The following KAZN variants were observed in gnomAD, a reference collection of about 807,000 sequenced individuals.
KAZN encodes the protein kazrin.
A neutral mutation model predicts 87.4 loss-of-function variants in KAZN; 40 were observed. The observed-to-expected ratio is 0.46, with a 90% CI of 0.36 to 0.60. The LOEUF is 0.60. Ranked by LOEUF, KAZN falls within the 20% of genes least tolerant of loss-of-function variation. The probability of loss-of-function intolerance (pLI) is 0.00; values close to 1 mark genes in which losing one functional copy is unlikely to be tolerated. For missense variants in KAZN, 898 were observed against 1,073.9 expected, an observed-to-expected ratio of 0.84 and a Z score of 2.29; for synonymous variants, 466 against 458.3, an observed-to-expected ratio of 1.02 and a Z score of -0.22.
chr1:14,966,816 C>T (rs1487393388), intron 2 of KAZN, among the ~76,000 whole-genome samples: 3 of 151,962 alleles, frequency 2.0e-5, no homozygotes, highest in Non-Finnish European at 2.9e-5. Flanking sequence ...GGACTACAGG[C>T]ATGTGCCACC....
chr1:14,276,760 G>A (rs1448430391), intron 2 of KAZN, among the ~76,000 whole-genome samples: 1 of 152,142 alleles, frequency 6.6e-6, no homozygotes, highest in African/African-American at 2.4e-5. Flanking sequence ...TTCTAAATAA[G>A]CTCACATTCA....
At chr1:13,920,230 C>G (rs1010720684) in intron 1 of KAZN, among the ~76,000 whole-genome samples, 2 of 131,072 alleles carry the variant, frequency 1.5e-5, no homozygotes, top group Admixed American at 8.7e-5. Flanking sequence ...AGTGACACAG[C>G]GAGACCCTGT....
chr1:14,556,183 C>T (rs1187835152), intron 2 of KAZN, among the ~76,000 whole-genome samples: 1 of 150,326 alleles, frequency 6.7e-6, no homozygotes, highest in Admixed American at 6.6e-5. Flanking sequence ...GATCTGTGCT[C>T]ATTGCAAGCT....
At chr1:14,967,643 A>G (rs1331834184) in intron 2 of KAZN, among the ~76,000 whole-genome samples, 1 of 152,180 alleles carries the variant, frequency 6.6e-6, no homozygotes, top group Non-Finnish European at 1.5e-5. Context: ...GTCAGAGGAG[A>G]TGTGACCGGA....
chr1:14,045,903 C>CTATTATTTT (rs1221996764), intron 1 of KAZN, among the ~76,000 whole-genome samples: 1 of 152,134 alleles, frequency 6.6e-6, no homozygotes, highest in Non-Finnish European at 1.5e-5. Flanking sequence ...TTCCACAATG[C>CTATTATTTT]TATTATTTTC....
chr1:14,233,012 A>T (rs1039739095), intron 2 of KAZN, among the ~76,000 whole-genome samples: 2 of 152,256 alleles, frequency 1.3e-5, no homozygotes, highest in East Asian at 3.8e-4. Context: ...CATTGTAAGC[A>T]TCATCAAATA....
At chr1:14,797,929 A>G (rs1645881964) in intron 1 of KAZN, among the ~76,000 whole-genome samples, 1 of 152,188 alleles carries the variant, frequency 6.6e-6, no homozygotes, top group Non-Finnish European at 1.5e-5. Context: ...GATGCCCACG[A>G]TGTGCCAAGG....
intron 2 of KAZN, among the ~76,000 whole-genome samples, chr1:14,257,990 AAAG>A (rs1305166644): frequency 4.7e-5 from 7 of 149,558 alleles, no homozygotes; most frequent in Admixed American, 1.3e-4. Context: ...AAAAAAAAGA[AAAG>A]AAGGGGGAAG....
At chr1:14,467,913 C>T (rs1340085832) in intron 2 of KAZN, among the ~76,000 whole-genome samples, 1 of 152,086 alleles carries the variant, frequency 6.6e-6, no homozygotes, top group African/African-American at 2.4e-5. Context: ...GTTTCATTGG[C>T]CTGCTTGGGT....
At chr1:15,086,510 G>A (rs1242108455) in intron 8 of KAZN, among the ~76,000 whole-genome samples, 1 of 152,148 alleles carries the variant, frequency 6.6e-6, no homozygotes, top group African/African-American at 2.4e-5. Flanking sequence ...ACTTGTAATC[G>A]AAAAATCTTT....
intron 1 of KAZN, among the ~76,000 whole-genome samples, chr1:13,996,511 A>AG (rs1389388521): frequency 6.6e-6 from 1 of 152,126 alleles, no homozygotes; most frequent in East Asian, 1.9e-4. Flanking sequence ...TGCTGAAGTC[A>AG]GGGGAGGGAG....
intron 1 of KAZN, among the ~76,000 whole-genome samples, chr1:14,174,219 G>A (rs1646019967): frequency 6.6e-6 from 1 of 152,190 alleles, no homozygotes; most frequent in Non-Finnish European, 1.5e-5. Flanking sequence ...CTTTGTTGGG[G>A]AATGCTTTGA....
At chr1:14,664,805 C>T (rs1572170812) in intron 1 of KAZN, among the ~76,000 whole-genome samples, 3 of 152,018 alleles carry the variant, frequency 2.0e-5, no homozygotes, top group Admixed American at 2.0e-4. Context: ...AGGTACCCAC[C>T]ACCACGCCTG....
intron 1 of KAZN, among the ~76,000 whole-genome samples, chr1:14,733,874 G>T (rs1451150278): frequency 6.6e-6 from 1 of 152,160 alleles, no homozygotes; most frequent in Non-Finnish European, 1.5e-5. Flanking sequence ...CTCCAGATGG[G>T]ATCTCCCTCC....
Position 15,094,809 on chromosome 1 carries a change from G to A in KAZN, c.1429-6G>A. On this transcript the variant is annotated splice_polypyrimidine_tract_variant and splice_region_variant and intron_variant, in intron 9 of 14. Transcript: ENST00000376030. The surrounding 1 kb of genome is among the most constrained non-coding windows in gnomAD (Gnocchi z 4.5). ...GCCCCCATATGACACTCCCTCCCGG[G>A]GGCAGGTGCTGCTGAGCCTGAGTGA... 6.5e-7 allele frequency: 1 copy of A among 1,545,590 alleles called. No individual in the cohort carries two copies. The highest frequency in any genetic ancestry group is 8.8e-7 in the Non-Finnish European group (1 of 1,142,824).
At chr1:14,033,720 G>A (rs985549187) in intron 1 of KAZN, among the ~76,000 whole-genome samples, 1 of 152,218 alleles carries the variant, frequency 6.6e-6, no homozygotes, top group African/African-American at 2.4e-5. Flanking sequence ...CTATGGTGAA[G>A]TTTAAGTGTT....
chr1:14,782,625 A>T (rs1303360321), intron 1 of KAZN, among the ~76,000 whole-genome samples: 3 of 151,884 alleles, frequency 2.0e-5, no homozygotes, highest in Non-Finnish European at 2.9e-5. Flanking sequence ...GACCATGCTT[A>T]AAGTGTGTTC....
intron 12 of KAZN, 62 bp downstream of exon 12, chr1:15,103,522 T>G: frequency 1.0e-6 from 1 of 997,434 alleles, no homozygotes; most frequent in Non-Finnish European, 1.5e-6. Flanking sequence ...TGCAAATCTA[T>G]ATGCAAATCA....
intron 1 of KAZN, among the ~76,000 whole-genome samples, chr1:14,787,749 C>T (rs1296350502): frequency 6.6e-6 from 1 of 152,114 alleles, no homozygotes; most frequent in Non-Finnish European, 1.5e-5. Context: ...TGCAGTTGTG[C>T]ACAACAGCCC....
Sources: allele counts gnomAD v4.1 joint callset (sites outside exome capture counted in the v4.1 genomes callset), GRCh38; gene constraint gnomAD v4.1.1; non-coding constraint Gnocchi (gnomAD v3.1); transcripts MANE v1.5; gene names NCBI Gene and HGNC (gene_info 2026-07-23, HGNC 2026-07-21).